HK1: variants seen among roughly 807,000 people sequenced by gnomAD.
HK1 encodes hexokinase 1, also known as hexokinase-1.
A neutral mutation model predicts 91.6 loss-of-function variants in HK1; 28 were observed. That is an observed-to-expected ratio of 0.31 (90% CI 0.23 to 0.42). The LOEUF (loss-of-function observed/expected upper bound fraction) is 0.42, where lower values mean the gene tolerates loss of function less well. HK1 is among the 10% of genes least tolerant of loss of function. The pLI is 1.00. For synonymous variants in HK1, 430 were observed against 468.1 expected (o/e 0.92, Z 1.05); for missense variants, 770 against 1,219.8 (o/e 0.63, Z 5.49).
At chr10:69,334,758 T>C (rs1019793362) in intron 1 of HK1, among the ~76,000 whole-genome samples, 5 of 152,030 alleles carry the variant, frequency 3.3e-5, no homozygotes, top group African/African-American at 4.8e-5. Flanking sequence ...TAGCTGGCGG[T>C]GTGGACCATG....
At chr10:69,272,064 A>G (rs2132397417) in intron 1 of HK1, among the ~76,000 whole-genome samples, 1 of 152,138 alleles carries the variant, frequency 6.6e-6, no homozygotes, top group Admixed American at 6.5e-5. Context: ...GGGTTTTGCC[A>G]TGTTGGCCAA....
At chr10:69,386,468 C>A in intron 13 of HK1, 50 bp downstream of exon 13, 1 of 1,422,402 alleles carries the variant, frequency 7.0e-7, no homozygotes, top group South Asian at 1.2e-5. Flanking sequence ...TTAGGGGCTT[C>A]TAAAAAGTGT....
chr10:69,347,475 G>A (rs1053926440), intron 2 of HK1, among the ~76,000 whole-genome samples: 9 of 149,652 alleles, frequency 6.0e-5, no homozygotes, highest in African/African-American at 1.5e-4. Flanking sequence ...TCGCTCTGTC[G>A]CCCAGGTTGC....
intron 1 of HK1, among the ~76,000 whole-genome samples, chr10:69,276,118 A>AAAAAAAAAAAATATATATATATAT: frequency 2.6e-5 from 1 of 38,272 alleles, no homozygotes; most frequent in Admixed American, 5.6e-4. Context: ...AAAAAAAAAA[A>AAAAAAAAAAAATATATATATATAT]ATACATATAT....
intron 1 of HK1, chr10:69,338,384 G>C (rs759786008): frequency 3.2e-5 from 39 of 1,205,760 alleles, no homozygotes; most frequent in Non-Finnish European, 3.8e-5. Flanking sequence ...TTCCATCCCA[G>C]CCTGACCAGA....
At chr10:69,299,511 C>T (rs534839038) in intron 4 of HK1, among the ~76,000 whole-genome samples, 17 of 151,554 alleles carry the variant, frequency 1.1e-4, no homozygotes, top group African/African-American at 2.4e-4. Context: ...GGATTACAGG[C>T]GTGCGCCACC....
chr10:69,330,890 T>C (rs1011576805), intron 1 of HK1, among the ~76,000 whole-genome samples: 18 of 152,002 alleles, frequency 1.2e-4, no homozygotes, highest in African/African-American at 2.9e-4. Flanking sequence ...TTTTTCTTTT[T>C]TTTTTTTTGA....
At chr10:69,346,082 G>GTGT (rs1848542257) in intron 2 of HK1, among the ~76,000 whole-genome samples, 1 of 152,094 alleles carries the variant, frequency 6.6e-6, no homozygotes, top group Admixed American at 6.6e-5. Context: ...CTGCCCCTTC[G>GTGT]TGTTGTGCCG....
chr10:69,390,694 C>T (rs781047070), intron 14 of HK1, among the ~76,000 whole-genome samples: 2 of 152,188 alleles, frequency 1.3e-5, no homozygotes, highest in Non-Finnish European at 2.9e-5. Context: ...TGAAAGTTCA[C>T]CTACATCCCA....
At position 69,382,557 on chromosome 10, in the gene HK1, G is replaced by A; in HGVS notation, c.1336G>A (p.Glu446Lys). The A allele has an allele frequency of 6.2e-7, 1 of 1,614,238 alleles. No homozygotes were observed. The highest frequency in any genetic ancestry group is 8.5e-7 in the Non-Finnish European group (1 of 1,180,050). The change falls in exon 10 of 18, where the codon GAG becomes AAG. Residue 446 changes from glutamate (E) to lysine (K), a missense_variant. Coordinates refer to ENST00000359426, the MANE Select transcript of HK1 (RefSeq NM_000188.3). ...PDSDVRFLLS[E>K]SGSGKGAAMV... is the part of the protein sequence containing the mutation. ...CTCCGATGTGCGCTTCCTCCTCTCG[G>A]AGAGTGGCAGCGGCAAGGGGGCTGC...
chr10:69,389,094 A>T (rs1839778669), intron 13 of HK1, 103 bp from the exon 14 acceptor site: 1 of 829,022 alleles, frequency 1.2e-6, no homozygotes, highest in African/African-American at 1.7e-5. Flanking sequence ...ATCTTAGATG[A>T]TGACCAGTGG....
chr10:69,397,306 CAACACT>C (rs1422362013), intron 16 of HK1, among the ~76,000 whole-genome samples: 5 of 152,114 alleles, frequency 3.3e-5, no homozygotes, highest in African/African-American at 4.8e-5. Context: ...ACATCCTCGC[CAACACT>C]TGTTATTTTC....
intron 1 of HK1, among the ~76,000 whole-genome samples, chr10:69,337,384 G>T (rs1386781943): frequency 6.6e-6 from 1 of 152,168 alleles, no homozygotes; most frequent in South Asian, 2.1e-4. Context: ...TCACTGGGCT[G>T]CAGTGACAGG....
At chr10:69,387,526 A>G (rs950686148) in intron 13 of HK1, among the ~76,000 whole-genome samples, 2 of 134,916 alleles carry the variant, frequency 1.5e-5, no homozygotes, top group Admixed American at 8.1e-5. Context: ...GGCTCAAGCA[A>G]TCTGCTCGCC....
chr10:69,321,286 T>C (rs1457890041), intron 1 of HK1, among the ~76,000 whole-genome samples: 1 of 152,218 alleles, frequency 6.6e-6, no homozygotes, highest in African/African-American at 2.4e-5. Context: ...TAGTGGGTAC[T>C]TGCTCCAGTG....
At chr10:69,326,987 G>A (rs904117919) in intron 1 of HK1, among the ~76,000 whole-genome samples, 1 of 146,690 alleles carries the variant, frequency 6.8e-6, no homozygotes, top group Non-Finnish European at 1.5e-5. Flanking sequence ...GTATTGCTTT[G>A]TGTGGTTTTA....
intron 5 of HK1, among the ~76,000 whole-genome samples, chr10:69,309,527 C>G (rs964172643): frequency 7.4e-6 from 1 of 134,570 alleles, no homozygotes; most frequent in Non-Finnish European, 1.5e-5. Context: ...AAAAAAGCCG[C>G]GAGGTGGCTC....
At chr10:69,302,427 T>C (rs1283451043) in intron 5 of HK1, among the ~76,000 whole-genome samples, 2 of 145,508 alleles carry the variant, frequency 1.4e-5, no homozygotes, top group African/African-American at 2.5e-5. Context: ...CAGGCTGGAG[T>C]GCAGTGGTGC....
At chr10:69,400,907 G>T (rs1840356460) in intron 17 of HK1, 84 bp from the exon 18 acceptor site, 16 of 1,403,040 alleles carry the variant, frequency 1.1e-5, no homozygotes, top group Non-Finnish European at 1.6e-5. Context: ...CCAGTCAGGG[G>T]GCTGTCTGTG....
Sources: allele counts gnomAD v4.1 joint callset (sites outside exome capture counted in the v4.1 genomes callset), GRCh38; gene constraint gnomAD v4.1.1; transcripts MANE v1.5; gene names NCBI Gene and HGNC (gene_info 2026-07-23, HGNC 2026-07-21).